The following PCDH15 variants were observed in gnomAD, a reference collection of about 807,000 sequenced individuals.
PCDH15 encodes protocadherin-15.
PCDH15 carries 129 observed loss-of-function variants against 178.5 expected under a neutral mutation model. The observed-to-expected ratio is 0.72, with a 90% CI of 0.63 to 0.84. The LOEUF (loss-of-function observed/expected upper bound fraction) is 0.84, where lower values mean the gene tolerates loss of function less well. PCDH15 is among the 40% of genes least tolerant of loss of function. PCDH15 has a pLI of 0.00. For synonymous variants in PCDH15, 800 were observed against 732.0 expected (o/e 1.09, Z -1.50); for missense variants, 2,230 against 2,099.9 (o/e 1.06, Z -1.21).
At chr10:55,132,608 C>T (rs1000391762) in intron 2 of PCDH15, among the ~76,000 whole-genome samples, 6 of 151,964 alleles carry the variant, frequency 3.9e-5, no homozygotes, top group African/African-American at 7.2e-5. Context: ...ATTAAATGTT[C>T]GTTTTCACTC....
intron 2 of PCDH15, among the ~76,000 whole-genome samples, chr10:55,111,114 T>C (rs1293381133): frequency 2.6e-5 from 4 of 152,132 alleles, no homozygotes; most frequent in African/African-American, 9.7e-5. Flanking sequence ...AGGAGCAACA[T>C]TTGAAATTCA....
chr10:55,149,939 G>C (rs1258775309), intron 2 of PCDH15, among the ~76,000 whole-genome samples: 1 of 151,836 alleles, frequency 6.6e-6, no homozygotes, highest in Non-Finnish European at 1.5e-5. Context: ...CTGAAAATTG[G>C]GAGCATTCTC....
At chr10:55,411,537 T>A (rs1280171354) in intron 2 of PCDH15, among the ~76,000 whole-genome samples, 4 of 152,136 alleles carry the variant, frequency 2.6e-5, no homozygotes, top group African/African-American at 9.6e-5. Flanking sequence ...ATTTGCCTTA[T>A]CAAGTATTTT....
At chr10:54,579,428 C>T (rs1374387334) in intron 2 of PCDH15, among the ~76,000 whole-genome samples, 1 of 152,092 alleles carries the variant, frequency 6.6e-6, no homozygotes, top group Non-Finnish European at 1.5e-5. Flanking sequence ...TTCAACTCAA[C>T]AAGTAGACTT....
At chr10:54,091,026 CAT>C (rs1278952023) in intron 15 of PCDH15, among the ~76,000 whole-genome samples, 1 of 152,070 alleles carries the variant, frequency 6.6e-6, no homozygotes, top group Admixed American at 6.6e-5. Flanking sequence ...GAGAAGAAAA[CAT>C]ATAGTTTGAC....
chr10:55,577,784 T>C (rs1012671105), intron 2 of PCDH15, among the ~76,000 whole-genome samples: 1 of 152,216 alleles, frequency 6.6e-6, no homozygotes, highest in Non-Finnish European at 1.5e-5. Context: ...CATTCTTAAA[T>C]GTGAATTCAG....
At chr10:54,766,688 G>C (rs550038137) in intron 1 of PCDH15, among the ~76,000 whole-genome samples, 1 of 152,092 alleles carries the variant, frequency 6.6e-6, no homozygotes, top group South Asian at 2.1e-4. Flanking sequence ...TGAGTACTTT[G>C]GGAGGCTGAG....
chr10:54,405,844 G>GT (rs371939135), intron 3 of PCDH15, among the ~76,000 whole-genome samples: 6,193 of 147,182 alleles, frequency 0.042, 150 homozygotes, highest in Non-Finnish European at 0.06. Context: ...AAGTTGAGGT[G>GT]TTTTTTTTTT....
At chr10:55,379,121 T>TATATATATATATATATATATCA (rs953825079) in intron 2 of PCDH15, among the ~76,000 whole-genome samples, 22 of 151,438 alleles carry the variant, frequency 1.5e-4, no homozygotes, top group African/African-American at 4.9e-4. Context: ...TATATATATA[T>TATATATATATATATATATATCA]ATGTATGTAT....
chr10:55,288,870 G>GATATATATATATATATATATATATATAT (rs143549237), intron 1 of PCDH15, among the ~76,000 whole-genome samples: 2 of 146,244 alleles, frequency 1.4e-5, no homozygotes, highest in African/African-American at 5.1e-5. Flanking sequence ...AATTCTATTA[G>GATATATATATATATATATATATATATAT]ATATATATAT....
At chr10:55,154,836 G>T (rs1436890633) in intron 2 of PCDH15, among the ~76,000 whole-genome samples, 4 of 152,138 alleles carry the variant, frequency 2.6e-5, no homozygotes, top group Admixed American at 2.6e-4. Flanking sequence ...ATGTAAATAA[G>T]TTAGTGTATC....
At position 55,607,760 on chromosome 10, in the gene PCDH15, AG is replaced by A. The variant is rs1277025161; in HGVS notation, c.-156+19864del. 9.4e-5 allele frequency among the ~76,000 whole-genome samples: 8 copies of A among 85,410 alleles called. No homozygotes were observed. In the South Asian group the frequency reaches 2.0e-3, roughly 21 times the overall value. 56.0% of individuals were successfully genotyped at this position (85,410 alleles called of 152,430 possible). On this transcript the variant is annotated intron_variant, in intron 2 of 5. Transcript: ENST00000613346. ...CTGGGGACTGTTGTGGGGTGGGGGG[AG>A]GGGGGAGGGATAGCATTGGGAGATA... is the stretch of plus-strand genomic sequence containing the variant.
intron 15 of PCDH15, among the ~76,000 whole-genome samples, chr10:54,124,690 C>T (rs561837859): frequency 6.6e-5 from 10 of 152,264 alleles, no homozygotes; most frequent in South Asian, 4.1e-4. Flanking sequence ...CTATGATTCA[C>T]GCACACTGTA....
chr10:54,408,818 G>C (rs10733929), intron 3 of PCDH15, among the ~76,000 whole-genome samples: 116,135 of 152,122 alleles, frequency 0.76, 44,997 homozygotes, highest in East Asian at 0.99. Context: ...TGTGGTTCTG[G>C]TGTTAGCTGT....
intron 2 of PCDH15, among the ~76,000 whole-genome samples, chr10:54,943,332 T>A (rs908246119): frequency 6.6e-6 from 1 of 152,020 alleles, no homozygotes; most frequent in Non-Finnish European, 1.5e-5. Flanking sequence ...TCTCTTCTGC[T>A]GTTTTCTTCC....
intron 2 of PCDH15, among the ~76,000 whole-genome samples, chr10:55,086,616 T>C (rs1403044541): frequency 2.6e-5 from 4 of 151,980 alleles, no homozygotes; most frequent in Admixed American, 2.6e-4. Flanking sequence ...GAAAGAGCAA[T>C]GAGACCAGTC....
chr10:54,968,240 T>C (rs184203141), intron 2 of PCDH15, among the ~76,000 whole-genome samples: 1 of 152,278 alleles, frequency 6.6e-6, no homozygotes, highest in African/African-American at 2.4e-5. Flanking sequence ...CTACTTATTA[T>C]ATCAATTAGT....
intron 2 of PCDH15, among the ~76,000 whole-genome samples, chr10:54,978,051 C>A (rs182409360): frequency 2.0e-5 from 3 of 152,036 alleles, no homozygotes; most frequent in African/African-American, 4.8e-5. Flanking sequence ...TTACCTATAA[C>A]CTGAATTAAA....
intron 16 of PCDH15, 124 bp from the exon 17 acceptor site, chr10:54,079,548 A>G: frequency 1.1e-6 from 1 of 872,152 alleles, no homozygotes; most frequent in Non-Finnish European, 1.9e-6. Context: ...CAGCTTGAGT[A>G]TTTTAGATGT....
Sources: gnomAD v4.1 joint callset for allele counts (sites outside exome capture counted in the v4.1 genomes callset) on GRCh38, gnomAD v4.1.1 for gene constraint, MANE v1.5 for transcripts, NCBI Gene and HGNC (gene_info 2026-07-23, HGNC 2026-07-21) for gene names.